Variants in RGPD2 observed in about 807,000 individuals in gnomAD.
RGPD2 encodes RANBP2 like and GRIP domain containing 2.
RGPD2 carries 2 observed loss-of-function variants against 36.0 expected under a neutral mutation model. The observed-to-expected ratio is 0.06, with a 90% CI of 0.02 to 0.17. RGPD2 has a LOEUF of 0.17. Ranked by LOEUF, RGPD2 falls within the 10% of genes least tolerant of loss-of-function variation. The probability of loss-of-function intolerance (pLI) is 1.00; values close to 1 mark genes in which losing one functional copy is unlikely to be tolerated. For synonymous variants in RGPD2, 19 were observed against 163.8 expected, an observed-to-expected ratio of 0.12 and a Z score of 6.75; for missense variants, 40 against 464.3, an observed-to-expected ratio of 0.09 and a Z score of 8.40.
At chr2:87,885,848 C>T in the RGPD2 span, among the ~76,000 whole-genome samples, 89 of 151,104 alleles carry the variant, frequency 5.9e-4, no homozygotes, top group East Asian at 0.017. Flanking sequence ...AAAGAACCAT[C>T]GTCTCAGACC....
the RGPD2 span, among the ~76,000 whole-genome samples, chr2:87,978,962 T>C: frequency 6.7e-6 from 1 of 149,216 alleles, no homozygotes; most frequent in African/African-American, 2.5e-5. Flanking sequence ...GGGCCGGGCA[T>C]GGTGGCTCAC....
chr2:87,895,286 T>C, the RGPD2 span, among the ~76,000 whole-genome samples: 1 of 151,838 alleles, frequency 6.6e-6, no homozygotes, highest in African/African-American at 2.4e-5. Flanking sequence ...AAGACAAAAG[T>C]GTAGGGAAAC....
chr2:87,971,627 C>T, the RGPD2 span, among the ~76,000 whole-genome samples: 8 of 146,798 alleles, frequency 5.4e-5, no homozygotes, highest in African/African-American at 1.5e-4. Context: ...AGACTGTGAT[C>T]GATTTTTATG....
At chr2:87,928,024 AT>A in the RGPD2 span, among the ~76,000 whole-genome samples, 1 of 79,880 alleles carries the variant, frequency 1.3e-5, no homozygotes, top group Admixed American at 1.5e-4. Flanking sequence ...ATCCATTATT[AT>A]TTGTTCTTTT....
the RGPD2 span, among the ~76,000 whole-genome samples, chr2:87,893,496 T>TA: frequency 1.6e-4 from 22 of 135,788 alleles, no homozygotes; most frequent in East Asian, 4.1e-3. Flanking sequence ...AGCTATTATG[T>TA]AAGCCTAATA....
At chr2:87,988,524 A>AAT in the RGPD2 span, among the ~76,000 whole-genome samples, 204 of 42,864 alleles carry the variant, frequency 4.8e-3, 3 homozygotes, top group African/African-American at 8.8e-3. Context: ...TATACATATA[A>AAT]ATATATATAT....
chr2:87,839,074 G>GA, the RGPD2 span, among the ~76,000 whole-genome samples: 4 of 141,534 alleles, frequency 2.8e-5, no homozygotes, highest in Admixed American at 2.2e-4. Flanking sequence ...ACCGTCAACA[G>GA]AAAAAACAGA....
chr2:87,989,818 C>T, the RGPD2 span: 64 of 1,362,810 alleles, frequency 4.7e-5, no homozygotes, highest in African/African-American at 8.0e-4. Context: ...AGTTCTGGAA[C>T]TGGGAACAAC....
chr2:87,962,609 TTATC>T, the RGPD2 span, among the ~76,000 whole-genome samples: 13 of 150,608 alleles, frequency 8.6e-5, no homozygotes, highest in African/African-American at 2.9e-4. Context: ...GAGGTACCAT[TTATC>T]TATCCATGTG....
At chr2:87,915,626 A>T in the RGPD2 span, among the ~76,000 whole-genome samples, 1 of 146,712 alleles carries the variant, frequency 6.8e-6, no homozygotes, top group Admixed American at 6.9e-5. Context: ...ACACATATAT[A>T]TGTGCGTGTA....
the RGPD2 span, among the ~76,000 whole-genome samples, chr2:87,886,918 T>A: frequency 6.6e-6 from 1 of 151,844 alleles, no homozygotes; most frequent in Non-Finnish European, 1.5e-5. Context: ...CAAGGTCACA[T>A]AGTTAGAAAG....
At chr2:87,965,503 A>G in the RGPD2 span, among the ~76,000 whole-genome samples, 1 of 152,050 alleles carries the variant, frequency 6.6e-6, no homozygotes, top group Non-Finnish European at 1.5e-5. Flanking sequence ...GCTGAACTCT[A>G]TGCAAGGTAT....
chr2:87,834,572 A>T, the RGPD2 span, among the ~76,000 whole-genome samples: 1 of 152,102 alleles, frequency 6.6e-6, no homozygotes. Context: ...AATTGGAAAG[A>T]TTTAAAATAT....
the RGPD2 span, among the ~76,000 whole-genome samples, chr2:87,967,288 G>C: frequency 6.8e-6 from 1 of 148,018 alleles, no homozygotes; most frequent in Non-Finnish European, 1.5e-5. Context: ...TGCGCCTGTA[G>C]TCCTAGCTAC....
the RGPD2 span, among the ~76,000 whole-genome samples, chr2:87,955,225 A>G: frequency 6.9e-6 from 1 of 145,484 alleles, no homozygotes; most frequent in African/African-American, 2.6e-5. Context: ...CATGTTAGCC[A>G]GGATGGTCTC....
intron 17 of RGPD2, among the ~76,000 whole-genome samples, chr2:87,790,936 ATAAT>A (rs1396096492): frequency 2.1e-5 from 3 of 146,134 alleles, no homozygotes; most frequent in Non-Finnish European, 4.5e-5. Flanking sequence ...ATTTCCTTAC[ATAAT>A]TAAGTCAAAT....
chr2:87,978,335 G>A, the RGPD2 span, among the ~76,000 whole-genome samples: 1 of 109,938 alleles, frequency 9.1e-6, no homozygotes, highest in Non-Finnish European at 1.9e-5. Flanking sequence ...ATATACATAA[G>A]CAGCTAATGA....
chr2:87,986,328 T>C, the RGPD2 span, among the ~76,000 whole-genome samples: 1 of 147,126 alleles, frequency 6.8e-6, no homozygotes, highest in African/African-American at 2.5e-5. Flanking sequence ...AGAGACCATG[T>C]TTCACCATGT....
the RGPD2 span, among the ~76,000 whole-genome samples, chr2:87,896,775 G>T: frequency 1.7e-5 from 2 of 118,066 alleles, no homozygotes. Context: ...AGTACTTAAA[G>T]AGGAGTACTC....
Sources: allele counts gnomAD v4.1 joint callset (sites outside exome capture counted in the v4.1 genomes callset), GRCh38; gene constraint gnomAD v4.1.1; transcripts MANE v1.5; gene names NCBI Gene and HGNC (gene_info 2026-07-23, HGNC 2026-07-21).